GLRX2: variants seen among roughly 807,000 people sequenced by gnomAD.
GLRX2 encodes the protein bA101E13.1 (GRX2 glutaredoxin (thioltransferase) 2).
GLRX2 carries 12 observed loss-of-function variants against 16.4 expected under a neutral mutation model. The ratio of observed to expected loss-of-function variants is 0.73; its 90% CI spans 0.47 to 1.19. The LOEUF (loss-of-function observed/expected upper bound fraction) is 1.19, where lower values mean the gene tolerates loss of function less well. Among genes scored for constraint, GLRX2 ranks in the 50% most tolerant of loss-of-function variants. GLRX2 has a pLI of 0.00. For missense variants in GLRX2, 201 were observed against 201.8 expected, an observed-to-expected ratio of 1.00 and a Z score of 0.02; for synonymous variants, 95 against 76.2, an observed-to-expected ratio of 1.25 and a Z score of -1.28.
At chr1:193,102,068 A>G (rs1263068240) in intron 1 of GLRX2, among the ~76,000 whole-genome samples, 1 of 152,160 alleles carries the variant, frequency 6.6e-6, no homozygotes, top group Non-Finnish European at 1.5e-5. Flanking sequence ...AAAATTACAA[A>G]TCTTACAAGA....
At chr1:193,105,492 G>T, upstream of GLRX2, 1 of 1,509,628 alleles carries the variant, frequency 6.6e-7, no homozygotes, top group South Asian at 1.2e-5. Flanking sequence ...CGCCCCTCCG[G>T]ACTGCCCGCG....
At chr1:193,102,085 T>C (rs1675088902) in intron 1 of GLRX2, among the ~76,000 whole-genome samples, 2 of 152,190 alleles carry the variant, frequency 1.3e-5, no homozygotes, top group African/African-American at 4.8e-5. Flanking sequence ...AAGAGGATTA[T>C]GACATATAAT....
At chr1:193,102,442 C>T (rs1004863545) in intron 1 of GLRX2, among the ~76,000 whole-genome samples, 4 of 152,116 alleles carry the variant, frequency 2.6e-5, no homozygotes, top group African/African-American at 9.7e-5. Flanking sequence ...ATCTCCGCTT[C>T]CCAGGTTCAA....
chr1:193,098,708 C>A (rs1027524339), intron 2 of GLRX2, among the ~76,000 whole-genome samples: 10 of 152,034 alleles, frequency 6.6e-5, no homozygotes, highest in African/African-American at 2.4e-4. Context: ...CCTGCCACCA[C>A]GGCCAGTTAA....
chr1:193,098,550 C>A (rs1247537069), intron 2 of GLRX2, among the ~76,000 whole-genome samples: 7 of 151,960 alleles, frequency 4.6e-5, no homozygotes, highest in South Asian at 2.1e-4. Flanking sequence ...AACAAAAAAA[C>A]CAAAACATTG....
chr1:193,105,866 G>A, upstream of GLRX2: 2 of 1,207,008 alleles, frequency 1.7e-6, no homozygotes, highest in East Asian at 3.8e-5. Context: ...TTATAATTAG[G>A]CAATTGGTCG....
chr1:193,097,388 AAC>A lies in GLRX2; in HGVS notation c.360+194_360+195del, dbSNP rs374587364. 2.8e-4 allele frequency among the ~76,000 whole-genome samples: 42 copies of A among 152,302 alleles called. No individual in the cohort carries two copies. The East Asian group carries it at 7.7e-3, about 28-fold the overall frequency. On this transcript the variant is annotated intron_variant, in intron 3 of 3. Coordinates refer to ENST00000367439, the MANE Select transcript of GLRX2 (RefSeq NM_197962.3). ...AACACTACTCATCAACCCCAGTCAA[AAC>A]ACACACACAGAATAAAAATAAAATA...
At chr1:193,098,821 GATT>G (rs1675013790) in intron 2 of GLRX2, among the ~76,000 whole-genome samples, 2 of 152,080 alleles carry the variant, frequency 1.3e-5, no homozygotes, top group African/African-American at 4.8e-5. Flanking sequence ...AAAGTGCTGG[GATT>G]ACAGGTGTGA....
chr1:193,099,523 G>A lies in GLRX2; in HGVS notation c.183+1618C>T, dbSNP rs35214819. ...ACCTCGATATTTTTTGTAGAGACAG[G>A]GTTTCGCCATGTTGCCCAAGCTGGT... On this transcript the variant is annotated intron_variant, in intron 2 of 3. Transcript: ENST00000367439. 1.2e-3 allele frequency among the ~76,000 whole-genome samples: 184 copies of A among 152,104 alleles called. 3 individuals are homozygous for A. The East Asian group carries it at 0.027, about 22-fold the overall frequency.
rs1339521127 is a variant in GLRX2, at chr1:193,101,131, C to T, written c.183+10G>A. 4 of 1,588,280 alleles carry T rather than the reference C, an allele frequency of 2.5e-6. No homozygotes were observed. The Admixed American group carries it at 5.0e-5, about 20-fold the overall frequency. ...AGGAAAGTTTTTCAATCATCTCCCA[C>T]ATCACTCACTTGGATCTGGTTCACA... is the stretch of plus-strand genomic sequence containing the variant. On this transcript the variant is annotated intron_variant, in intron 2 of 3. Transcript: ENST00000367439.
chr1:193,098,816 G>A (rs533107084), intron 2 of GLRX2, among the ~76,000 whole-genome samples: 1 of 152,218 alleles, frequency 6.6e-6, no homozygotes, highest in East Asian at 1.9e-4. Context: ...CTCCCAAAGT[G>A]CTGGGATTAC....
At chr1:193,101,229 G>A (rs746762033) in intron 1 of GLRX2, 25 bp from the exon 2 acceptor site, 13 of 1,424,530 alleles carry the variant, frequency 9.1e-6, no homozygotes, top group Non-Finnish European at 1.3e-5. Context: ...AGAGAACAAT[G>A]TAGTTTATTA....
upstream of GLRX2, chr1:193,105,452 G>A (rs1390964356): frequency 1.2e-5 from 17 of 1,448,984 alleles, no homozygotes; most frequent in Admixed American, 2.9e-4. Context: ...GCCTCCTCCG[G>A]CCCGGCCCCC....
At chr1:193,098,912 C>A (rs900497604) in intron 2 of GLRX2, among the ~76,000 whole-genome samples, 38 of 152,326 alleles carry the variant, frequency 2.5e-4, no homozygotes, top group African/African-American at 8.4e-4. Context: ...TCCTTACCTT[C>A]TATTCTATAA....
At position 193,105,221 on chromosome 1, in the gene GLRX2, C is replaced by A. The variant is rs1324077006; in HGVS notation, c.119+43G>T. 2.0e-6 allele frequency: 3 copies of A among 1,528,502 alleles called. No homozygotes were observed. In the East Asian group the frequency reaches 7.6e-5, roughly 39 times the overall value. 94.7% of individuals were successfully genotyped at this position (1,528,502 alleles called of 1,614,324 possible). A position where few individuals can be genotyped will look rare whatever the true frequency, so the allele number is the denominator to read the frequency against. On this transcript the variant is annotated intron_variant, in intron 1 of 3. Coordinates refer to ENST00000367439, the MANE Select transcript of GLRX2 (RefSeq NM_197962.3). ...CCGCTTTCTCCAGACCCCCGCAAGG[C>A]CTGCGCACCACGCCGCGGCACTCCT...
intron 2 of GLRX2, among the ~76,000 whole-genome samples, chr1:193,098,765 C>T (rs981093671): frequency 1.3e-5 from 2 of 151,786 alleles, no homozygotes; most frequent in African/African-American, 2.4e-5. Flanking sequence ...TGGCCAGGCT[C>T]GTCTCAAACT....
chr1:193,097,733 TCAC>T lies in GLRX2; in HGVS notation c.208_210del (p.Val70del). On this transcript the variant is annotated inframe_deletion, in exon 3 of 4. Coordinates refer to ENST00000367439, the MANE Select transcript of GLRX2 (RefSeq NM_197962.3). Reference sequence around the variant, plus strand: ...TAAGAACAGGATGTTTTTGAGAAAATCACCACACAATTATCAGAAATTGTTTCC... The same window carrying T: ...TAAGAACAGGATGTTTTTGAGAAAATCACACAATTATCAGAAATTGTTTCC... 1 of 1,594,682 alleles carries T rather than the reference TCAC, an allele frequency of 6.3e-7. No homozygotes were observed. Among genetic ancestry groups the T allele is most frequent in the Non-Finnish European group, 8.5e-7 (1 of 1,173,542 alleles).
chr1:193,105,504 C>A (rs34533242), upstream of GLRX2: 19 of 1,523,082 alleles, frequency 1.2e-5, no homozygotes, highest in Non-Finnish European at 1.7e-5. Context: ...CTGCCCGCGC[C>A]GCCGCCGGTC....
upstream of GLRX2, chr1:193,105,936 C>T: frequency 9.6e-7 from 1 of 1,041,208 alleles, no homozygotes. Flanking sequence ...AGAAAAAATC[C>T]GGTGTTGAAG....
Sources: allele counts gnomAD v4.1 joint callset (sites outside exome capture counted in the v4.1 genomes callset), GRCh38; gene constraint gnomAD v4.1.1; transcripts MANE v1.5; gene names NCBI Gene and HGNC (gene_info 2026-07-23, HGNC 2026-07-21).